HIPK2: variants seen among roughly 807,000 people sequenced by gnomAD.
HIPK2 encodes the protein homeodomain-interacting protein kinase 2.
Under a neutral mutation model 113.7 loss-of-function variants are expected in HIPK2, and 27 were observed. The ratio of observed to expected loss-of-function variants is 0.24; its 90% CI spans 0.17 to 0.33. HIPK2 has a LOEUF of 0.33. Ranked by LOEUF, HIPK2 falls within the 10% of genes least tolerant of loss-of-function variation. The probability of loss-of-function intolerance (pLI) is 1.00; values close to 1 mark genes in which losing one functional copy is unlikely to be tolerated. For missense variants in HIPK2, 1,257 were observed against 1,588.0 expected, an observed-to-expected ratio of 0.79 and a Z score of 3.54; for synonymous variants, 631 against 642.2, an observed-to-expected ratio of 0.98 and a Z score of 0.26.
intron 9 of HIPK2, 65 bp from the exon 10 acceptor site, chr7:139,604,288 C>T (rs184863919): frequency 6.1e-5 from 94 of 1,547,348 alleles, no homozygotes; most frequent in Non-Finnish European, 8.0e-5. Flanking sequence ...TGCATGAACC[C>T]ACACTTATTC....
intron 2 of HIPK2, among the ~76,000 whole-genome samples, chr7:139,650,099 TAG>T (rs956336264): frequency 1.3e-5 from 2 of 152,086 alleles, no homozygotes; most frequent in African/African-American, 4.8e-5. Flanking sequence ...CCTGTAATCC[TAG>T]CACTTTGGGA....
intron 6 of HIPK2, among the ~76,000 whole-genome samples, chr7:139,623,600 C>T (rs1239395266): frequency 2.6e-5 from 4 of 151,664 alleles, no homozygotes; most frequent in Admixed American, 6.6e-5. Flanking sequence ...TCCTTTGTAC[C>T]GGAGTTCAGT....
At chr7:139,637,301 A>G (rs970497519) in intron 2 of HIPK2, among the ~76,000 whole-genome samples, 1 of 152,146 alleles carries the variant, frequency 6.6e-6, no homozygotes. Context: ...TTGGAATGAA[A>G]TCTAGACCCC....
rs1239693855 is a variant in HIPK2 at position 139,631,585 on chromosome 7, G to C, written c.1227+17C>G. 6.2e-7 allele frequency: 1 copy of C among 1,608,428 alleles called. No individual in the cohort carries two copies. The highest frequency in any genetic ancestry group is 1.7e-5 in the Admixed American group (1 of 58,500). On this transcript the variant is annotated intron_variant, in intron 3 of 14. Transcript: ENST00000406875. This position sits in a 1 kb window ranked among gnomAD's most constrained non-coding sequence, Gnocchi z 4.9. The stretch of plus-strand genomic sequence containing the variant: ...GAAGAATGAGGTCTTGTGAATATCT[G>C]TGTCATCTGGACCCACCTGATCATA...
intron 2 of HIPK2, among the ~76,000 whole-genome samples, chr7:139,686,912 G>A (rs1794239338): frequency 6.6e-6 from 1 of 152,188 alleles, no homozygotes; most frequent in Admixed American, 6.5e-5. Flanking sequence ...GAAGAGTCAA[G>A]TGATGCAGCA....
intron 12 of HIPK2, among the ~76,000 whole-genome samples, chr7:139,585,903 A>G (rs939332404): frequency 6.6e-6 from 1 of 152,020 alleles, no homozygotes; most frequent in Non-Finnish European, 1.5e-5. Context: ...AAAACTCATG[A>G]TATCTCGGAG....
In HIPK2 at chr7:139,716,323, G is replaced by C; in HGVS notation, c.712C>G (p.Arg238Gly). Reference sequence around the variant, plus strand: ...ATGCTCACTTCAATCTGACCTTGTCGGGCATAGGATGGGTGGTTCTTCAGG... The same window carrying C: ...ATGCTCACTTCAATCTGACCTTGTCCGGCATAGGATGGGTGGTTCTTCAGG... ...KILKNHPSYA[R>G]QGQIEVSILA... The change falls in exon 2 of 15, where the codon CGA becomes GGA. Residue 238 changes from arginine to glycine, a missense_variant. Around this residue, in one of 5 missense-constraint regions of HIPK2, gnomAD observed 78 missense variants for 145.7 expected, o/e 0.54. Transcript: ENST00000406875. The surrounding 1 kb of genome is among the most constrained non-coding windows in gnomAD (Gnocchi z 9.3). 6.2e-7 allele frequency: 1 copy of C among 1,614,144 alleles called. No individual in the cohort carries two copies. The highest frequency in any genetic ancestry group is 8.5e-7 in the Non-Finnish European group (1 of 1,180,034).
At chr7:139,715,865 G>C in intron 2 of HIPK2, 67 bp downstream of exon 2, 2 of 1,552,850 alleles carry the variant, frequency 1.3e-6, no homozygotes, top group Non-Finnish European at 1.7e-6. Flanking sequence ...CAGTGACTAA[G>C]GTGGCACATT....
chr7:139,647,963 G>A (rs1167486439), intron 2 of HIPK2, among the ~76,000 whole-genome samples: 1 of 152,182 alleles, frequency 6.6e-6, no homozygotes, highest in Non-Finnish European at 1.5e-5. Flanking sequence ...GGCTTGTCCT[G>A]GATTCCCCCA....
In HIPK2 at chr7:139,570,757, C is replaced by T. The variant is rs1243946617; in HGVS notation, c.*2170G>A. 1 of 152,546 alleles carries T rather than the reference C, an allele frequency of 6.6e-6. No homozygotes were observed. The highest frequency in any genetic ancestry group is 1.5e-5 in the Non-Finnish European group (1 of 68,084). 9.4% of individuals were successfully genotyped at this position (152,546 alleles called of 1,614,324 possible). ...AAGGGAGGGAGGATGAGGATGGGGC[C>T]GCTGACTCGGGAAAGATCTCTTTGC... On this transcript the variant is annotated 3_prime_UTR_variant, in exon 15 of 15. Transcript: ENST00000406875.
intron 2 of HIPK2, among the ~76,000 whole-genome samples, chr7:139,665,835 C>T (rs1414408031): frequency 6.6e-6 from 1 of 152,078 alleles, no homozygotes; most frequent in African/African-American, 2.4e-5. Flanking sequence ...CAGTTCAGTT[C>T]AAATGTCTGT....
intron 2 of HIPK2, among the ~76,000 whole-genome samples, chr7:139,694,611 C>T (rs1794512838): frequency 6.6e-6 from 1 of 152,156 alleles, no homozygotes; most frequent in Non-Finnish European, 1.5e-5. Flanking sequence ...GACAAGCCCA[C>T]CATTCCCTGG....
intron 2 of HIPK2, among the ~76,000 whole-genome samples, chr7:139,703,480 A>G (rs1794771500): frequency 6.6e-6 from 1 of 152,088 alleles, no homozygotes. Context: ...ATGACAAAGA[A>G]GTGGCACCAA....
intron 1 of HIPK2, among the ~76,000 whole-genome samples, chr7:139,752,951 C>T (rs960606370): frequency 6.6e-6 from 1 of 152,174 alleles, no homozygotes; most frequent in South Asian, 2.1e-4. Flanking sequence ...GAAATGAGCA[C>T]AAGTTTGTCC....
At chr7:139,648,866 C>G (rs957004043) in intron 2 of HIPK2, among the ~76,000 whole-genome samples, 5 of 151,624 alleles carry the variant, frequency 3.3e-5, no homozygotes, top group Admixed American at 6.6e-5. Context: ...ACCATTAATA[C>G]TAGGATAAAG....
rs986830564 is a variant in HIPK2, at chr7:139,604,014, G to C, written c.2255+67C>G. Reference sequence around the variant, plus strand: ...AAGTACAGGCCAGCCTGGCAGCCCTGTGTTGGCAGTGGACGTGCCTCCCAT... The same window carrying C: ...AAGTACAGGCCAGCCTGGCAGCCCTCTGTTGGCAGTGGACGTGCCTCCCAT... On this transcript the variant is annotated intron_variant, in intron 10 of 14. Coordinates refer to ENST00000406875, the MANE Select transcript of HIPK2 (RefSeq NM_022740.5). The C allele has an allele frequency of 5.6e-6, 9 of 1,603,868 alleles. No individual in the cohort carries two copies. In the African/African-American group the frequency reaches 1.1e-4, roughly 19 times the overall value.
intron 2 of HIPK2, among the ~76,000 whole-genome samples, chr7:139,648,373 T>G (rs1254764981): frequency 1.3e-5 from 2 of 152,170 alleles, no homozygotes; most frequent in Non-Finnish European, 2.9e-5. Flanking sequence ...AGACTTCAGA[T>G]GATCACAGAA....
At chr7:139,685,611 C>CT (rs972860097) in intron 2 of HIPK2, among the ~76,000 whole-genome samples, 11 of 152,212 alleles carry the variant, frequency 7.2e-5, no homozygotes, top group Non-Finnish European at 1.2e-4. Flanking sequence ...CAGCTGGTGA[C>CT]TTTAAGTCGA....
intron 2 of HIPK2, among the ~76,000 whole-genome samples, chr7:139,687,250 G>A (rs9801496): frequency 0.35 from 53,910 of 152,080 alleles, 11,335 homozygotes; most frequent in Non-Finnish European, 0.46. Flanking sequence ...TTTAAAATTA[G>A]CTCTAGTATT....
Sources: gnomAD v4.1 joint callset for allele counts (sites outside exome capture counted in the v4.1 genomes callset) on GRCh38, gnomAD v4.1.1 for gene constraint, gnomAD v4.1.1 regional missense constraint, Gnocchi (gnomAD v3.1) non-coding constraint, MANE v1.5 for transcripts, NCBI Gene and HGNC (gene_info 2026-07-23, HGNC 2026-07-21) for gene names.